Variants in DLG2 observed in about 807,000 individuals in gnomAD.
DLG2 encodes discs large MAGUK scaffold protein 2.
Under a neutral mutation model 132.5 loss-of-function variants are expected in DLG2, and 45 were observed. The observed-to-expected ratio is 0.34, with a 90% CI of 0.27 to 0.44. The LOEUF is 0.44. DLG2 is among the 20% of genes least tolerant of loss of function. The pLI is 1.00. For synonymous variants in DLG2, 424 were observed against 419.6 expected, an observed-to-expected ratio of 1.01 and a Z score of -0.13; for missense variants, 1,045 against 1,196.9, an observed-to-expected ratio of 0.87 and a Z score of 1.87.
At chr11:83,647,489 T>C (rs2068593711) in intron 18 of DLG2, 1 of 152,102 alleles carries the variant, frequency 6.6e-6, no homozygotes, top group Non-Finnish European at 1.5e-5. Flanking sequence ...TTCTAACTCA[T>C]CTTTGTTTTT....
chr11:84,139,916 AATATTT>A (rs1418473621), intron 9 of DLG2, among the ~76,000 whole-genome samples: 1 of 152,206 alleles, frequency 6.6e-6, no homozygotes, highest in Non-Finnish European at 1.5e-5. Flanking sequence ...CATAGTACTT[AATATTT>A]ATAATTGTTG....
At chr11:83,478,130 T>A (rs755865330) in intron 22 of DLG2, among the ~76,000 whole-genome samples, 8 of 152,098 alleles carry the variant, frequency 5.3e-5, no homozygotes, top group Non-Finnish European at 1.0e-4. Flanking sequence ...TCACAATGGG[T>A]CTCATGGTAT....
intron 4 of DLG2, among the ~76,000 whole-genome samples, chr11:85,255,205 C>T (rs2152703993): frequency 6.6e-6 from 1 of 152,160 alleles, no homozygotes; most frequent in South Asian, 2.1e-4. Flanking sequence ...CTTTAGAGGG[C>T]TTATAATTAA....
intron 19 of DLG2, among the ~76,000 whole-genome samples, chr11:83,587,778 G>A (rs2097112297): frequency 6.6e-6 from 1 of 152,164 alleles, no homozygotes; most frequent in African/African-American, 2.4e-5. Context: ...AGGTCAGTGG[G>A]TGCGCGCACC....
chr11:84,154,861 G>T (rs1485174995), intron 9 of DLG2, among the ~76,000 whole-genome samples: 1 of 152,152 alleles, frequency 6.6e-6, no homozygotes, highest in Admixed American at 6.5e-5. Flanking sequence ...GTATTCCATG[G>T]TGTATATGTG....
chr11:84,482,091 G>A (rs531667473), intron 7 of DLG2, among the ~76,000 whole-genome samples: 11 of 151,938 alleles, frequency 7.2e-5, no homozygotes, highest in African/African-American at 2.7e-4. Context: ...TCTTTAAGCT[G>A]AGCAACAAAA....
At chr11:85,201,140 A>C (rs1028453377) in intron 4 of DLG2, among the ~76,000 whole-genome samples, 3 of 152,112 alleles carry the variant, frequency 2.0e-5, no homozygotes, top group African/African-American at 4.8e-5. Flanking sequence ...CTCTTAGCCA[A>C]CAAGACCAGC....
At chr11:84,822,263 T>G (rs961837669) in intron 6 of DLG2, among the ~76,000 whole-genome samples, 1 of 151,824 alleles carries the variant, frequency 6.6e-6, no homozygotes, top group African/African-American at 2.4e-5. Flanking sequence ...TACTCCCAGT[T>G]GCATTGATAC....
intron 9 of DLG2, among the ~76,000 whole-genome samples, chr11:84,124,280 C>T (rs1465748180): frequency 6.6e-6 from 1 of 152,166 alleles, no homozygotes; most frequent in Non-Finnish European, 1.5e-5. Context: ...AAAATGTGAT[C>T]TCCGTGTCCT....
intron 6 of DLG2, among the ~76,000 whole-genome samples, chr11:85,051,754 A>G (rs1026921984): frequency 6.6e-6 from 1 of 152,152 alleles, no homozygotes; most frequent in Non-Finnish European, 1.5e-5. Context: ...AGTCTTTAAA[A>G]TAGAGTTAAT....
At chr11:84,963,815 A>C (rs2052936643) in intron 6 of DLG2, among the ~76,000 whole-genome samples, 1 of 152,160 alleles carries the variant, frequency 6.6e-6, no homozygotes, top group East Asian at 1.9e-4. Flanking sequence ...GTAACTTGGC[A>C]TCAGAGAATA....
At chr11:84,909,165 A>G (rs947256080) in intron 6 of DLG2, among the ~76,000 whole-genome samples, 11 of 152,244 alleles carry the variant, frequency 7.2e-5, no homozygotes, top group African/African-American at 2.6e-4. Context: ...CCTAAATAGT[A>G]TTTGAGGTTT....
At position 83,989,078 on chromosome 11, in the gene DLG2, A is replaced by G. The variant is rs577674193; in HGVS notation, c.920-8436T>C. 1.8e-4 allele frequency among the ~76,000 whole-genome samples: 28 copies of G among 152,256 alleles called. No individual in the cohort carries two copies. The South Asian group carries it at 5.6e-3, about 30-fold the overall frequency. ...AACAAATGAATATAAGAGGACAAGG[A>G]AAGTCCCATGTCTCTGAGAAAGTCC... is the stretch of plus-strand genomic sequence containing the variant. On this transcript the variant is annotated intron_variant, in intron 11 of 27. Coordinates refer to ENST00000376104, the MANE Select transcript of DLG2 (RefSeq NM_001142699.3).
rs544786565 is a variant in DLG2, at chr11:84,004,513, T to C, written c.920-23871A>G. Among the ~76,000 whole-genome samples the C allele has an allele frequency of 5.3e-5, 8 of 152,132 alleles. No individual in the cohort carries two copies. In the East Asian group the frequency reaches 1.5e-3, roughly 29 times the overall value. The stretch of plus-strand genomic sequence containing the variant: ...TGGAGAAAAGTTGAAAGTTTCTCTC[T>C]AATAACTGGAACAAGATAAGAATGC... On this transcript the variant is annotated intron_variant, in intron 11 of 27. Transcript: ENST00000376104.
chr11:85,000,676 T>G (rs2058128920), intron 6 of DLG2, among the ~76,000 whole-genome samples: 2 of 152,210 alleles, frequency 1.3e-5, no homozygotes, highest in African/African-American at 4.8e-5. Context: ...GCTTCAGAAT[T>G]AGCTTCAGGT....
chr11:85,077,666 G>A (rs1440521634), intron 6 of DLG2, among the ~76,000 whole-genome samples: 1 of 151,938 alleles, frequency 6.6e-6, no homozygotes. Context: ...ATGTGCTACT[G>A]CACATATAAT....
intron 18 of DLG2, among the ~76,000 whole-genome samples, chr11:83,747,984 G>C (rs2093038538): frequency 6.6e-6 from 1 of 152,080 alleles, no homozygotes; most frequent in Non-Finnish European, 1.5e-5. Context: ...GGAGAAGATT[G>C]AGGCACTTAT....
chr11:83,768,221 A>G (rs917576018), intron 18 of DLG2, among the ~76,000 whole-genome samples: 7 of 152,172 alleles, frequency 4.6e-5, no homozygotes, highest in African/African-American at 1.7e-4. Context: ...CATCTTTTAT[A>G]TACATTTGAC....
At position 85,224,713 on chromosome 11, in the gene DLG2, C is replaced by A. The variant is rs566731141; in HGVS notation, c.186+60507G>T. Among the ~76,000 whole-genome samples the A allele has an allele frequency of 2.6e-5, 4 of 152,036 alleles. No individual in the cohort carries two copies. The East Asian group carries it at 7.7e-4, about 29-fold the overall frequency. On this transcript the variant is annotated intron_variant, in intron 4 of 27. Transcript: ENST00000376104. ...AAAATTGTATAATAAATCAAAATTT[C>A]TTTTATGATTAGGAAAATAAACAAT... is the stretch of plus-strand genomic sequence containing the variant.
Sources: gnomAD v4.1 joint callset for allele counts (sites outside exome capture counted in the v4.1 genomes callset) on GRCh38, gnomAD v4.1.1 for gene constraint, MANE v1.5 for transcripts, NCBI Gene and HGNC (gene_info 2026-07-23, HGNC 2026-07-21) for gene names.